Variants in OPCML observed in about 807,000 individuals in gnomAD.
The protein encoded by OPCML is opioid-binding protein/cell adhesion molecule.
Under a neutral mutation model 37.8 loss-of-function variants are expected in OPCML, and 13 were observed. That is an observed-to-expected ratio of 0.34 (90% CI 0.22 to 0.55). OPCML has a LOEUF of 0.55. Ranked by LOEUF, OPCML falls within the 20% of genes least tolerant of loss-of-function variation. The pLI is 0.91. For synonymous variants in OPCML, 176 were observed against 168.8 expected (o/e 1.04, Z -0.33); for missense variants, 341 against 435.6 (o/e 0.78, Z 1.93).
At chr11:132,505,133 T>A (rs1466228823) in intron 4 of OPCML, among the ~76,000 whole-genome samples, 1 of 151,508 alleles carries the variant, frequency 6.6e-6, no homozygotes, top group Non-Finnish European at 1.5e-5. Flanking sequence ...ATTTGAAGAG[T>A]AGAATTAAAA....
At chr11:132,498,455 A>G (rs1330300904) in intron 4 of OPCML, among the ~76,000 whole-genome samples, 1 of 152,234 alleles carries the variant, frequency 6.6e-6, no homozygotes, top group African/African-American at 2.4e-5. Context: ...AATTTTTGCC[A>G]TGCAGCTACA....
chr11:133,009,975 T>A (rs1401918286), intron 1 of OPCML, among the ~76,000 whole-genome samples: 1 of 152,156 alleles, frequency 6.6e-6, no homozygotes, highest in Admixed American at 6.5e-5. Flanking sequence ...GGTCAGAAAT[T>A]CAGTTATTTG....
At chr11:132,952,472 T>C (rs989992609) in intron 1 of OPCML, among the ~76,000 whole-genome samples, 10 of 152,220 alleles carry the variant, frequency 6.6e-5, no homozygotes, top group Admixed American at 4.6e-4. Flanking sequence ...CATTCTTGTT[T>C]GCACACTTCC....
intron 1 of OPCML, among the ~76,000 whole-genome samples, chr11:133,264,041 T>C (rs1163033054): frequency 6.6e-6 from 1 of 152,150 alleles, no homozygotes; most frequent in Non-Finnish European, 1.5e-5. Flanking sequence ...TCTCCCTTCC[T>C]GGACTCTGAA....
intron 1 of OPCML, among the ~76,000 whole-genome samples, chr11:132,947,977 G>C (rs974197826): frequency 2.6e-5 from 4 of 151,732 alleles, no homozygotes; most frequent in Non-Finnish European, 5.9e-5. Context: ...TCCTCAAAAA[G>C]TTTCAGCTTT....
At chr11:133,300,466 T>C (rs919413591) in intron 1 of OPCML, 4 of 152,256 alleles carry the variant, frequency 2.6e-5, no homozygotes, top group Admixed American at 2.0e-4. Context: ...ATTCTGCCTA[T>C]TCTTTCAAGG....
rs557270942 is a variant in OPCML at position 133,358,795 on chromosome 11, T to C, written c.61+173469A>G. Among the ~76,000 whole-genome samples, 7 of 151,842 alleles carry C rather than the reference T, an allele frequency of 4.6e-5. No individual in the cohort carries two copies. The South Asian group carries it at 1.5e-3, about 32-fold the overall frequency. ...ACTCGCTGGCATTTGAGCAGAGCCC[T>C]GAATGGGGGGAAGGCGTGTTCCTTC... is the stretch of plus-strand genomic sequence containing the variant. On this transcript the variant is annotated intron_variant, in intron 1 of 7. Transcript: ENST00000524381.
intron 1 of OPCML, among the ~76,000 whole-genome samples, chr11:133,230,564 G>C (rs1169091125): frequency 2.0e-5 from 3 of 152,216 alleles, no homozygotes; most frequent in Admixed American, 6.5e-5. Context: ...CTTAGTTTAT[G>C]AAGTTATTAC....
At chr11:132,909,305 A>T (rs1440055468) in intron 2 of OPCML, among the ~76,000 whole-genome samples, 1 of 152,238 alleles carries the variant, frequency 6.6e-6, no homozygotes, top group East Asian at 1.9e-4. Context: ...CAGAAATTTC[A>T]TGTAGGTCAA....
At chr11:132,470,494 A>G (rs2096134529) in intron 4 of OPCML, among the ~76,000 whole-genome samples, 1 of 152,172 alleles carries the variant, frequency 6.6e-6, no homozygotes, top group African/African-American at 2.4e-5. Context: ...CTTAAATTTG[A>G]GATATCTACT....
At chr11:132,964,676 C>A (rs897074558) in intron 1 of OPCML, among the ~76,000 whole-genome samples, 6 of 152,190 alleles carry the variant, frequency 3.9e-5, no homozygotes, top group African/African-American at 1.4e-4. Context: ...CTCTGCCAAA[C>A]GTCCACTCCT....
Position 132,539,489 on chromosome 11 carries a change from T to C in OPCML, c.380-10303A>G, listed in dbSNP as rs140979209. Among the ~76,000 whole-genome samples the C allele has an allele frequency of 8.3e-4, 126 of 152,304 alleles. 1 individual carries two copies. The Middle Eastern group carries it at 0.02, about 25-fold the overall frequency. On this transcript the variant is annotated intron_variant, in intron 3 of 7. Transcript: ENST00000524381. ...TCTTTTTGTAACAGCAGTTGGGCTA[T>C]ACATTAAAATGTTTAAAGACATGCT...
chr11:133,340,906 G>C (rs954414237), intron 1 of OPCML, among the ~76,000 whole-genome samples: 1 of 152,126 alleles, frequency 6.6e-6, no homozygotes, highest in African/African-American at 2.4e-5. Context: ...GGGCCACATA[G>C]CTCCTGTTCT....
intron 3 of OPCML, among the ~76,000 whole-genome samples, chr11:132,616,550 T>C (rs1028192208): frequency 1.3e-5 from 2 of 152,214 alleles, no homozygotes; most frequent in African/African-American, 4.8e-5. Context: ...AAGAAGATGG[T>C]CTCTGAAATC....
chr11:132,520,165 T>C (rs1209008176), intron 4 of OPCML, among the ~76,000 whole-genome samples: 1 of 152,208 alleles, frequency 6.6e-6, no homozygotes, highest in African/African-American at 2.4e-5. Flanking sequence ...TCAAAGCTAG[T>C]GAGCACCCTT....
Position 132,418,906 on chromosome 11 carries a change from C to G in OPCML, c.*1287G>C, listed in dbSNP as rs2095947761. 6.6e-6 allele frequency: 1 copy of G among 152,646 alleles called. No individual in the cohort carries two copies. The allele number at this position is 152,646 out of a possible 1,614,324, so 9.5% of individuals were successfully genotyped here. Reference sequence around the variant, plus strand: ...GCAAAAGGAAAACCACAGTGCTAATCAAAACTTTTCTAGGCTGATCTGCTT... The same window carrying G: ...GCAAAAGGAAAACCACAGTGCTAATGAAAACTTTTCTAGGCTGATCTGCTT... On this transcript the variant is annotated 3_prime_UTR_variant, in exon 8 of 8. Coordinates refer to ENST00000524381, the MANE Select transcript of OPCML (RefSeq NM_001012393.5).
chr11:133,279,788 T>C (rs1565545723), intron 1 of OPCML, among the ~76,000 whole-genome samples: 1 of 151,922 alleles, frequency 6.6e-6, no homozygotes, highest in African/African-American at 2.4e-5. Context: ...AGCAGAGAAA[T>C]AAAAAAAACT....
intron 2 of OPCML, among the ~76,000 whole-genome samples, chr11:132,858,031 G>A (rs1365499494): frequency 5.3e-5 from 8 of 152,318 alleles, no homozygotes; most frequent in Middle Eastern, 3.4e-3. Flanking sequence ...CAGAGAGAGG[G>A]AGGGGAGGAC....
chr11:133,240,151 C>T (rs1229222584), intron 1 of OPCML, among the ~76,000 whole-genome samples: 1 of 136,240 alleles, frequency 7.3e-6, no homozygotes, highest in South Asian at 2.6e-4. Flanking sequence ...GTGTTGTGTG[C>T]TTCCCTTCTG....
Sources: allele counts gnomAD v4.1 joint callset (sites outside exome capture counted in the v4.1 genomes callset), GRCh38; gene constraint gnomAD v4.1.1; transcripts MANE v1.5; gene names NCBI Gene and HGNC (gene_info 2026-07-23, HGNC 2026-07-21).